The following LAMC2 variants were observed in gnomAD, a reference collection of about 807,000 sequenced individuals.
LAMC2 encodes the protein laminin subunit gamma-2.
Under a neutral mutation model 140.2 loss-of-function variants are expected in LAMC2, and 97 were observed. The ratio of observed to expected loss-of-function variants is 0.69; its 90% CI spans 0.59 to 0.82. LAMC2 has a LOEUF of 0.82. Among genes scored for constraint, LAMC2 ranks in the 40% least tolerant of loss-of-function variants. LAMC2 has a pLI of 0.00. For synonymous variants in LAMC2, 513 were observed against 540.2 expected (o/e 0.95, Z 0.70); for missense variants, 1,402 against 1,476.1 (o/e 0.95, Z 0.82).
intron 1 of LAMC2, among the ~76,000 whole-genome samples, chr1:183,193,390 A>T (rs930496952): frequency 4.6e-5 from 7 of 152,164 alleles, no homozygotes; most frequent in African/African-American, 1.7e-4. Context: ...TTGCATCTGT[A>T]TATACGTAAT....
At chr1:183,256,362 T>C in the LAMC2 span, among the ~76,000 whole-genome samples, 8 of 152,186 alleles carry the variant, frequency 5.3e-5, no homozygotes, top group Admixed American at 5.2e-4. Context: ...TGAGCAGAGA[T>C]TGTGCCACTG....
chr1:183,234,425 A>T lies in LAMC2; in HGVS notation c.2279A>T (p.Glu760Val), dbSNP rs574278275. ...GPNGFKSLAQ[E>V]ATRLAESHVE... is the part of the protein sequence containing the mutation. Reference sequence around the variant, plus strand: ...AATGGCTTTAAAAGTCTGGCTCAGGAGGCCACAAGATTAGCAGAAAGGTGA... The same window carrying T: ...AATGGCTTTAAAAGTCTGGCTCAGGTGGCCACAAGATTAGCAGAAAGGTGA... Residue 760 changes from glutamate to valine, a missense_variant, in exon 15 of 23, where the codon GAG (glutamate) becomes GTG (valine). Physicochemically the swap from Glu to Val is moderately radical, Grantham distance 121. Coordinates refer to ENST00000264144, the MANE Select transcript of LAMC2 (RefSeq NM_005562.3). The T allele has an allele frequency of 1.2e-6, 2 of 1,614,070 alleles. No homozygotes were observed. Among genetic ancestry groups the T allele is most frequent in the South Asian group, 2.2e-5 (2 of 91,060 alleles).
At position 183,239,439 on chromosome 1, in the gene LAMC2, A is replaced by G; in HGVS notation, c.2945A>G (p.Lys982Arg). Reference sequence around the variant, plus strand: ...AAGAGACTCTCCTACATCAGCCAGAAGGTTTCAGATGCCAGTGACAAGACC... The same window carrying G: ...AAGAGACTCTCCTACATCAGCCAGAGGGTTTCAGATGCCAGTGACAAGACC... ...AMKRLSYISQ[K>R]VSDASDKTQQ... is the part of the protein sequence containing the mutation. The change falls in exon 20 of 23, where the codon AAG (lysine) becomes AGG (arginine). Residue 982 changes from lysine (K) to arginine (R), a missense_variant. By Grantham distance (26) the Lys-to-Arg change is conservative (BLOSUM62 2). Transcript: ENST00000264144. 2.5e-6 allele frequency: 4 copies of G among 1,614,220 alleles called. No homozygotes were observed. The highest frequency in any genetic ancestry group is 3.4e-6 in the Non-Finnish European group (4 of 1,180,026).
chr1:183,232,118 C>G (rs765906532), intron 12 of LAMC2, 69 bp from the exon 13 acceptor site: 2 of 1,573,148 alleles, frequency 1.3e-6, no homozygotes, highest in Non-Finnish European at 1.7e-6. Flanking sequence ...CCCCTGGGTA[C>G]CTGGTATTGG....
At chr1:183,206,349 T>G (rs1040635477) in intron 1 of LAMC2, among the ~76,000 whole-genome samples, 1 of 152,170 alleles carries the variant, frequency 6.6e-6, no homozygotes, top group African/African-American at 2.4e-5. Flanking sequence ...GTCCATTAGA[T>G]GTACGTGGTC....
At chr1:183,186,689 C>T (rs1380938311) in intron 1 of LAMC2, among the ~76,000 whole-genome samples, 2 of 152,144 alleles carry the variant, frequency 1.3e-5, no homozygotes, top group Non-Finnish European at 2.9e-5. Context: ...TAAAAATGTT[C>T]CTTCTTGATG....
rs958842602 is a variant in LAMC2, at chr1:183,218,383, T to C, written c.405-7T>C. 9.9e-6 allele frequency: 16 copies of C among 1,612,178 alleles called. No individual in the cohort carries two copies. The African/African-American group carries it at 2.0e-4, about 20-fold the overall frequency. ...ATGTCCCTAATTTTCTTTTTCTTCT[T>C]CCCCAGAGACTCCAAGTGTGACTGT... On this transcript the variant is annotated splice_region_variant and splice_polypyrimidine_tract_variant and intron_variant, in intron 3 of 22. Coordinates refer to ENST00000264144, the MANE Select transcript of LAMC2 (RefSeq NM_005562.3).
intron 8 of LAMC2, among the ~76,000 whole-genome samples, chr1:183,225,967 A>G (rs535695915): frequency 6.6e-6 from 1 of 152,292 alleles, no homozygotes; most frequent in Admixed American, 6.5e-5. Context: ...AGGGCCACTG[A>G]ATTTTTATTA....
At chr1:183,203,899 A>T (rs1658801970) in intron 1 of LAMC2, among the ~76,000 whole-genome samples, 1 of 152,176 alleles carries the variant, frequency 6.6e-6, no homozygotes, top group African/African-American at 2.4e-5. Flanking sequence ...TGTTTGCAAT[A>T]GGCTTAGAAT....
chr1:183,220,614 A>G (rs1441314961), intron 4 of LAMC2, among the ~76,000 whole-genome samples: 1 of 151,764 alleles, frequency 6.6e-6, no homozygotes, highest in African/African-American at 2.4e-5. Context: ...CAGAAAGTGA[A>G]TGTTTCTTAT....
chr1:183,251,745 A>G, the LAMC2 span: 1 of 153,142 alleles, frequency 6.5e-6, no homozygotes, highest in Non-Finnish European at 1.5e-5. Flanking sequence ...CATCAGGGAA[A>G]TGGTCATTTG....
At chr1:183,195,733 A>G (rs1172924235) in intron 1 of LAMC2, among the ~76,000 whole-genome samples, 30 of 152,234 alleles carry the variant, frequency 2.0e-4, no homozygotes, top group Admixed American at 2.0e-3. Context: ...TAGGGAACAT[A>G]TTGTGACATT....
intron 22 of LAMC2, among the ~76,000 whole-genome samples, chr1:183,241,664 T>C (rs1660138254): frequency 6.6e-6 from 1 of 152,178 alleles, no homozygotes; most frequent in African/African-American, 2.4e-5. Context: ...TGGATTTTTC[T>C]GTAGGGTGTC....
At chr1:183,198,933 G>T (rs1003284574) in intron 1 of LAMC2, among the ~76,000 whole-genome samples, 4 of 151,990 alleles carry the variant, frequency 2.6e-5, no homozygotes, top group African/African-American at 9.7e-5. Flanking sequence ...AATTCTTTCT[G>T]TTCCCATCTC....
At chr1:183,191,194 C>T (rs1998681) in intron 1 of LAMC2, among the ~76,000 whole-genome samples, 47,532 of 151,896 alleles carry the variant, frequency 0.31, 7,768 homozygotes, top group East Asian at 0.43. Context: ...TAAGTATGAT[C>T]TTTTTTTTCC....
In LAMC2 at chr1:183,186,269, G is replaced by C; in HGVS notation, c.-84G>C. 6.5e-7 allele frequency: 1 copy of C among 1,528,152 alleles called. No homozygotes were observed. The highest frequency in any genetic ancestry group is 8.8e-7 in the Non-Finnish European group (1 of 1,141,596). 94.7% of individuals were successfully genotyped at this position (1,528,152 alleles called of 1,614,324 possible). On this transcript the variant is annotated 5_prime_UTR_variant, in exon 1 of 23. Transcript: ENST00000264144. The stretch of plus-strand genomic sequence containing the variant: ...TGATCAAGGAAAAGGAAGGCACAGC[G>C]GAGCGCAGAGTGAGAACCACCAACC...
chr1:183,210,449 GTTTTTC>G (rs1190439678), intron 2 of LAMC2, among the ~76,000 whole-genome samples: 1 of 152,208 alleles, frequency 6.6e-6, no homozygotes, highest in Non-Finnish European at 1.5e-5. Context: ...TGATGTAGTT[GTTTTTC>G]TTATTAAGAC....
intron 13 of LAMC2, 123 bp from the exon 14 acceptor site, chr1:183,232,529 T>G: frequency 9.2e-7 from 1 of 1,081,242 alleles, no homozygotes; most frequent in Non-Finnish European, 1.4e-6. Context: ...AAAAGAATGG[T>G]TGGATGCATT....
chr1:183,219,061 C>T (rs570947926), intron 4 of LAMC2, among the ~76,000 whole-genome samples: 2 of 152,184 alleles, frequency 1.3e-5, no homozygotes, highest in African/African-American at 2.4e-5. Context: ...GAGGCACCAT[C>T]CCCCCAAGCT....
Sources: allele counts gnomAD v4.1 joint callset (sites outside exome capture counted in the v4.1 genomes callset), GRCh38; gene constraint gnomAD v4.1.1; transcripts MANE v1.5; gene names NCBI Gene and HGNC (gene_info 2026-07-23, HGNC 2026-07-21).